VXN: variants seen among roughly 807,000 people sequenced by gnomAD.
VXN encodes the protein vexin, also known as uncharacterized protein C8orf46.
VXN carries 7 observed loss-of-function variants against 23.1 expected under a neutral mutation model. That is an observed-to-expected ratio of 0.30 (90% CI 0.17 to 0.57). VXN has a LOEUF of 0.57. Ranked by LOEUF, VXN falls within the 20% of genes least tolerant of loss-of-function variation. VXN has a pLI of 0.91. For missense variants in VXN, 238 were observed against 272.6 expected (o/e 0.87, Z 0.89); for synonymous variants, 120 against 105.8 (o/e 1.13, Z -0.83).
At chr8:66,493,864 A>T in intron 1 of VXN, 146 bp downstream of exon 1, 1 of 656,364 alleles carries the variant, frequency 1.5e-6, no homozygotes, top group Non-Finnish European at 2.7e-6. Flanking sequence ...GATTTTTTGG[A>T]GGGGGGAAAG....
chr8:66,510,332 G>T, intron 4 of VXN, 175 bp downstream of exon 4: 1 of 580,930 alleles, frequency 1.7e-6, no homozygotes, highest in Non-Finnish European at 3.0e-6. Context: ...GCCCTAATTT[G>T]TACCCTTGTG....
At chr8:66,514,727 G>A (rs907517809) in intron 5 of VXN, among the ~76,000 whole-genome samples, 10 of 152,194 alleles carry the variant, frequency 6.6e-5, no homozygotes, top group Admixed American at 5.2e-4. Flanking sequence ...TCCACACCTG[G>A]CCTGAGAATT....
chr8:66,498,729 A>G, intron 2 of VXN: 1 of 414,618 alleles, frequency 2.4e-6, no homozygotes, highest in Non-Finnish European at 4.9e-6. Context: ...GGGAGGGGAT[A>G]TGCAGATTGG....
In VXN at chr8:66,518,454, G is replaced by A. The variant is rs1190751814; in HGVS notation, c.*2378G>A. 3.9e-5 allele frequency: 6 copies of A among 152,040 alleles called. No individual in the cohort carries two copies. The highest frequency in any genetic ancestry group is 7.4e-5 in the Non-Finnish European group (5 of 68,004). 9.4% of individuals were successfully genotyped at this position (152,040 alleles called of 1,614,324 possible). On this transcript the variant is annotated 3_prime_UTR_variant, in exon 6 of 6. Transcript: ENST00000305454. The stretch of plus-strand genomic sequence containing the variant: ...CATGTTGAACTGTTTGCCTTGTATG[G>A]AACATTTTACTTGGCCAATTCAAAT...
At chr8:66,505,716 C>G (rs62512585) in intron 3 of VXN, among the ~76,000 whole-genome samples, 188 bp downstream of exon 3, 2,600 of 152,368 alleles carry the variant, frequency 0.017, 60 homozygotes, top group African/African-American at 0.049. Flanking sequence ...TCAGGCCTCA[C>G]CTTAGCCTCA....
chr8:66,504,855 A>G (rs1807731711), intron 2 of VXN, among the ~76,000 whole-genome samples: 1 of 152,140 alleles, frequency 6.6e-6, no homozygotes, highest in Non-Finnish European at 1.5e-5. Context: ...CAGCTTCTTT[A>G]TTTTTAAAAA....
chr8:66,496,380 G>A, intron 1 of VXN, 57 bp from the exon 2 acceptor site: 2 of 1,520,404 alleles, frequency 1.3e-6, no homozygotes, highest in Non-Finnish European at 1.8e-6. Context: ...TGTTACTGTA[G>A]CTATGTCAGC....
In VXN at chr8:66,493,675, T is replaced by C. The variant is rs1436397995; in HGVS notation, c.27T>C (p.Ser9=). MMHQIYSC[S]DENIEVFTTV... is the part of the protein sequence containing the mutation. ...TGATGCATCAGATTTACAGCTGCAGTGACGAGAACATAGAAGTTTTCACCA... is the reference window on the plus strand; with the variant it reads ...TGATGCATCAGATTTACAGCTGCAGCGACGAGAACATAGAAGTTTTCACCA... Residue 9 remains serine, a synonymous_variant, in exon 1 of 6, where the codon AGT becomes AGC. Transcript: ENST00000305454. 1 of 1,613,420 alleles carries C rather than the reference T, an allele frequency of 6.2e-7. No individual in the cohort carries two copies. The highest frequency in any genetic ancestry group is 1.3e-5 in the African/African-American group (1 of 74,892).
At chr8:66,501,879 T>C (rs2130546195) in intron 2 of VXN, among the ~76,000 whole-genome samples, 1 of 152,326 alleles carries the variant, frequency 6.6e-6, no homozygotes, top group South Asian at 2.1e-4. Flanking sequence ...CTTTGTCTTC[T>C]CCAACTTGGT....
chr8:66,513,022 T>G (rs62512588), intron 4 of VXN, among the ~76,000 whole-genome samples: 245 of 152,192 alleles, frequency 1.6e-3, no homozygotes, highest in Non-Finnish European at 2.2e-3. Context: ...ATGTGGTGGA[T>G]CTGGTCGGAA....
intron 4 of VXN, chr8:66,510,466 A>G (rs1165297123): frequency 7.5e-6 from 2 of 267,666 alleles, no homozygotes; most frequent in African/African-American, 2.3e-5. Context: ...ACTGGTTTCT[A>G]TCACAGGACC....
At chr8:66,497,385 G>T (rs905407763) in intron 2 of VXN, among the ~76,000 whole-genome samples, 2 of 152,212 alleles carry the variant, frequency 1.3e-5, no homozygotes, top group Non-Finnish European at 2.9e-5. Context: ...GTCACATACT[G>T]TCAGGAATTC....
chr8:66,510,711 C>G (rs1045534347), intron 4 of VXN, among the ~76,000 whole-genome samples: 2 of 152,194 alleles, frequency 1.3e-5, no homozygotes, highest in African/African-American at 4.8e-5. Context: ...CTCTTTCTGG[C>G]TTGCAGATGA....
chr8:66,500,895 A>G (rs1807684097), intron 2 of VXN, among the ~76,000 whole-genome samples: 1 of 130,470 alleles, frequency 7.7e-6, no homozygotes, highest in Non-Finnish European at 1.6e-5. Flanking sequence ...TTTTTTTGAG[A>G]CAGAGTCTCA....
chr8:66,507,487 G>T (rs375555956), intron 3 of VXN, among the ~76,000 whole-genome samples: 1 of 152,088 alleles, frequency 6.6e-6, no homozygotes, highest in Non-Finnish European at 1.5e-5. Flanking sequence ...TTGAATCTCC[G>T]GTCTTTTGAT....
chr8:66,511,973 A>C (rs1227104637), intron 4 of VXN, among the ~76,000 whole-genome samples: 1 of 151,802 alleles, frequency 6.6e-6, no homozygotes, highest in East Asian at 1.9e-4. Flanking sequence ...GGCTGAGGCA[A>C]GAGAATCACT....
At chr8:66,515,744 G>A (rs1807879944) in intron 5 of VXN, 149 bp from the exon 6 acceptor site, 1 of 620,176 alleles carries the variant, frequency 1.6e-6, no homozygotes, top group Admixed American at 2.9e-5. Flanking sequence ...TTCCTGTGAG[G>A]GTCCCAACAG....
Position 66,513,575 on chromosome 8 carries a change from A to T in VXN, c.378A>T (p.Ser126=). 1 of 1,614,144 alleles carries T rather than the reference A, an allele frequency of 6.2e-7. No homozygotes were observed. The highest frequency in any genetic ancestry group is 8.5e-7 in the Non-Finnish European group (1 of 1,180,012). Residue 126 remains serine, a synonymous_variant, in exon 5 of 6, where the codon TCA becomes TCT. Coordinates refer to ENST00000305454, the MANE Select transcript of VXN (RefSeq NM_152765.4). ...PPVPRISVKT[S]ASASLEATAM... ...TGCCCCGGATCTCAGTGAAAACTTC[A>T]GCCTCTGCCTCATTGGAGGCGACAG...
chr8:66,496,240 C>G (rs1807624563), intron 1 of VXN, among the ~76,000 whole-genome samples, 197 bp from the exon 2 acceptor site: 1 of 152,200 alleles, frequency 6.6e-6, no homozygotes, highest in African/African-American at 2.4e-5. Flanking sequence ...AACTTCAGCT[C>G]TTGTGAGTAA....
Sources: allele counts gnomAD v4.1 joint callset (sites outside exome capture counted in the v4.1 genomes callset), GRCh38; gene constraint gnomAD v4.1.1; transcripts MANE v1.5; gene names NCBI Gene and HGNC (gene_info 2026-07-23, HGNC 2026-07-21).